IL4I1: variants seen among roughly 807,000 people sequenced by gnomAD.
The protein encoded by IL4I1 is interleukin 4 induced 1.
IL4I1 carries 24 observed loss-of-function variants against 29.7 expected under a neutral mutation model. That is an observed-to-expected ratio of 0.81 (90% CI 0.59 to 1.14). IL4I1 has a LOEUF of 1.14. Among genes scored for constraint, IL4I1 ranks in the 50% most tolerant of loss-of-function variants. The pLI is 0.00. For synonymous variants in IL4I1, 371 were observed against 352.5 expected, an observed-to-expected ratio of 1.05 and a Z score of -0.59; for missense variants, 686 against 785.6, an observed-to-expected ratio of 0.87 and a Z score of 1.52.
upstream of IL4I1, among the ~76,000 whole-genome samples, chr19:49,898,071 A>C (rs2075234330): frequency 1.3e-5 from 2 of 152,264 alleles, no homozygotes; most frequent in Admixed American, 1.3e-4. Flanking sequence ...CTATAATCCC[A>C]GCACTTTGGG....
At chr19:49,894,960 A>AGGCT in intron 4 of IL4I1, 108 bp downstream of exon 4, 1 of 788,308 alleles carries the variant, frequency 1.3e-6, no homozygotes, top group East Asian at 2.6e-5. Flanking sequence ...ATGGGGTTGG[A>AGGCT]GGCTGGGTTT....
chr19:49,893,401 G>C (rs1048252408), intron 5 of IL4I1, among the ~76,000 whole-genome samples: 1 of 152,128 alleles, frequency 6.6e-6, no homozygotes, highest in African/African-American at 2.4e-5. Flanking sequence ...CGAGGAGGAG[G>C]TCAGGAGGAG....
At chr19:49,912,614 A>G (rs755921636) in intron 2 of IL4I1, among the ~76,000 whole-genome samples, 4 of 152,202 alleles carry the variant, frequency 2.6e-5, no homozygotes, top group Non-Finnish European at 5.9e-5. Flanking sequence ...CTGTAATCCC[A>G]GCACTTTGGG....
intron 2 of IL4I1, chr19:49,904,376 C>T (rs758760256): frequency 2.0e-5 from 3 of 152,128 alleles, no homozygotes; most frequent in African/African-American, 4.8e-5. Context: ...GGCACCCAGT[C>T]GGTTGCTGAT....
At chr19:49,926,366 C>T (rs1219443717) in intron 2 of IL4I1, among the ~76,000 whole-genome samples, 2 of 152,092 alleles carry the variant, frequency 1.3e-5, no homozygotes, top group Non-Finnish European at 1.5e-5. Context: ...CCCGTCTCTA[C>T]TAAAAATACA....
intron 2 of IL4I1, chr19:49,911,491 T>G (rs1342624119): frequency 6.6e-6 from 1 of 152,226 alleles, no homozygotes; most frequent in East Asian, 1.9e-4. Flanking sequence ...AATTGCTTGG[T>G]GTCTGTCCTC....
At chr19:49,899,348 G>C (rs189333920), upstream of IL4I1, among the ~76,000 whole-genome samples, 1 of 152,210 alleles carries the variant, frequency 6.6e-6, no homozygotes, top group African/African-American at 2.4e-5. Context: ...CTGGCCCCAG[G>C]CATATGTGCA....
chr19:49,912,051 A>G (rs1048535800), intron 2 of IL4I1, among the ~76,000 whole-genome samples: 9 of 152,348 alleles, frequency 5.9e-5, no homozygotes, highest in Admixed American at 5.9e-4. Context: ...TTTTGCTATT[A>G]ATAAGTTGTA....
intron 2 of IL4I1, chr19:49,906,765 G>A (rs1405519331): frequency 1.3e-5 from 2 of 152,216 alleles, no homozygotes; most frequent in African/African-American, 4.8e-5. Context: ...GAGTCTCCTG[G>A]AACCTGCTCT....
Position 49,889,974 on chromosome 19 carries a change from T to A in IL4I1, c.1400A>T (p.Asp467Val). Residue 467 changes from aspartate (D) to valine (V), a missense_variant, in exon 8 of 8, where the codon GAT (aspartate) becomes GTT (valine). Coordinates refer to ENST00000391826, the MANE Select transcript of IL4I1 (RefSeq NM_152899.2). ...QPPALWQTEKDDWTVPYGRIY... is the reference protein window; with the variant it reads ...QPPALWQTEKVDWTVPYGRIY... The stretch of plus-strand genomic sequence containing the variant: ...GCGGCCATAAGGGACCGTCCAGTCA[T>A]CCTTTTCGGTTTGCCAGAGCGCCGG... 1.9e-6 allele frequency: 3 copies of A among 1,575,162 alleles called. No homozygotes were observed. The highest frequency in any genetic ancestry group is 2.6e-6 in the Non-Finnish European group (3 of 1,160,666).
chr19:49,919,404 T>A lies in IL4I1; in HGVS notation c.-228+8290A>T, dbSNP rs118139277. ...TACATGCACTGTTCTCTACTGTTCT[T>A]TATGTATCTTAGAAATCGTTTTAAG... is the stretch of plus-strand genomic sequence containing the variant. On this transcript the variant is annotated intron_variant, in intron 2 of 9. Coordinates refer to the IL4I1 transcript ENST00000341114. 6.0e-3 allele frequency among the ~76,000 whole-genome samples: 917 copies of A among 152,284 alleles called. 9 individuals are homozygous for A. Among genetic ancestry groups the A allele is most frequent in the South Asian group, 0.019 (93 of 4,830 alleles).
chr19:49,895,729 G>A, intron 3 of IL4I1, 86 bp downstream of exon 3: 8 of 693,116 alleles, frequency 1.2e-5, no homozygotes, highest in African/African-American at 1.8e-5. Context: ...ACCCCCTCAA[G>A]GAGGAACGCG....
At chr19:49,914,721 T>C (rs1015150329) in intron 2 of IL4I1, among the ~76,000 whole-genome samples, 7 of 121,978 alleles carry the variant, frequency 5.7e-5, no homozygotes, top group African/African-American at 2.9e-5. Flanking sequence ...CCACTCCAAG[T>C]CCCAGTTTTT....
chr19:49,925,197 G>T (rs999888891), intron 2 of IL4I1, among the ~76,000 whole-genome samples: 2 of 152,078 alleles, frequency 1.3e-5, no homozygotes, highest in South Asian at 4.1e-4. Flanking sequence ...GGAGGCAGAG[G>T]TTGCGGTGAG....
At chr19:49,897,759 G>T (rs754596118), upstream of IL4I1, among the ~76,000 whole-genome samples, 21 of 152,130 alleles carry the variant, frequency 1.4e-4, no homozygotes, top group Non-Finnish European at 2.6e-4. Context: ...TCCTTGGGGT[G>T]GGGGAGAGGG....
Position 49,890,110 on chromosome 19 carries a change from C to T in IL4I1, c.1264G>A (p.Asp422Asn). Residue 422 changes from aspartate to asparagine, a missense_variant, in exon 8 of 8, where the codon GAC (aspartate) becomes AAC (asparagine). Coordinates refer to ENST00000391826, the MANE Select transcript of IL4I1 (RefSeq NM_152899.2). ...REEALRLALD[D>N]VAALHGPVVR... Reference sequence around the variant, plus strand: ...ACAGGCCCGTGCAATGCCGCCACGTCGTCGAGCGCCAAGCGCAACGCCTCT... The same window carrying T: ...ACAGGCCCGTGCAATGCCGCCACGTTGTCGAGCGCCAAGCGCAACGCCTCT... 1 of 1,544,028 alleles carries T rather than the reference C, an allele frequency of 6.5e-7. No homozygotes were observed.
intron 3 of IL4I1, among the ~76,000 whole-genome samples, chr19:49,902,036 G>C (rs1236297812): frequency 2.0e-5 from 3 of 152,154 alleles, no homozygotes; most frequent in Non-Finnish European, 2.9e-5. Context: ...GTCTCGTTCT[G>C]TCACCCAGGC....
chr19:49,912,330 G>T (rs372176063), intron 2 of IL4I1, among the ~76,000 whole-genome samples: 1 of 151,966 alleles, frequency 6.6e-6, no homozygotes, highest in African/African-American at 2.4e-5. Context: ...CACCACGCCC[G>T]GCTAATTTTT....
intron 2 of IL4I1, among the ~76,000 whole-genome samples, chr19:49,924,152 T>C (rs572018295): frequency 6.6e-6 from 1 of 152,248 alleles, no homozygotes; most frequent in East Asian, 1.9e-4. Flanking sequence ...ACCATGGGCC[T>C]CGGGGCCCTG....
Sources: allele counts gnomAD v4.1 joint callset (sites outside exome capture counted in the v4.1 genomes callset), GRCh38; gene constraint gnomAD v4.1.1; transcripts MANE v1.5; gene names NCBI Gene and HGNC (gene_info 2026-07-23, HGNC 2026-07-21).